Variants in SDK1 observed in about 807,000 individuals in gnomAD.
The protein encoded by SDK1 is sidekick cell adhesion molecule 1.
SDK1 carries 157 observed loss-of-function variants against 245.5 expected under a neutral mutation model. The ratio of observed to expected loss-of-function variants is 0.64; its 90% confidence interval spans 0.56 to 0.73. The LOEUF (loss-of-function observed/expected upper bound fraction) is 0.73. Among genes scored for constraint, SDK1 ranks in the 30% least tolerant of loss-of-function variants. SDK1 has a pLI of 0.00. For synonymous variants in SDK1, 1,647 were observed against 1,278.5 expected (o/e 1.29, Z -6.15); for missense variants, 3,583 against 3,002.3 (o/e 1.19, Z -4.52).
At chr7:4,165,401 T>C (rs1176178343) in intron 32 of SDK1, among the ~76,000 whole-genome samples, 2 of 152,146 alleles carry the variant, frequency 1.3e-5, no homozygotes, top group Non-Finnish European at 2.9e-5. Context: ...ATTTCAAGGC[T>C]TATAGACCCA....
At chr7:3,586,573 C>T (rs563464331) in intron 1 of SDK1, among the ~76,000 whole-genome samples, 5 of 150,796 alleles carry the variant, frequency 3.3e-5, no homozygotes, top group South Asian at 2.1e-4. Flanking sequence ...GGCATTGTGG[C>T]GGGCGCCTGT....
chr7:4,027,427 G>T (rs924655161), intron 17 of SDK1, among the ~76,000 whole-genome samples: 1 of 152,174 alleles, frequency 6.6e-6, no homozygotes, highest in Non-Finnish European at 1.5e-5. Context: ...GCACAGTCCC[G>T]TAGGGATACT....
At chr7:3,678,624 G>T (rs919477522) in intron 4 of SDK1, among the ~76,000 whole-genome samples, 1 of 152,162 alleles carries the variant, frequency 6.6e-6, no homozygotes, top group African/African-American at 2.4e-5. Flanking sequence ...CATGGCCCTG[G>T]GGGGAGGGAG....
At chr7:4,083,224 C>G (rs373078299) in intron 22 of SDK1, among the ~76,000 whole-genome samples, 17 of 152,130 alleles carry the variant, frequency 1.1e-4, no homozygotes, top group African/African-American at 3.4e-4. Flanking sequence ...ACAGGTTCCT[C>G]ACCCTCAAAG....
chr7:3,674,988 G>A (rs1228746653), intron 4 of SDK1, among the ~76,000 whole-genome samples: 1 of 152,132 alleles, frequency 6.6e-6, no homozygotes, highest in East Asian at 1.9e-4. Flanking sequence ...AGTCTTCTTG[G>A]TGTGTGGGCC....
intron 1 of SDK1, among the ~76,000 whole-genome samples, chr7:3,461,093 C>T (rs1780818128): frequency 6.6e-6 from 1 of 152,078 alleles, no homozygotes; most frequent in African/African-American, 2.4e-5. Context: ...GTTTGATTCT[C>T]ATATATGATG....
intron 4 of SDK1, among the ~76,000 whole-genome samples, chr7:3,691,035 T>A (rs183243907): frequency 6.6e-6 from 1 of 152,196 alleles, no homozygotes; most frequent in African/African-American, 2.4e-5. Flanking sequence ...AGAAAATTAT[T>A]TGGAAGAAAA....
At chr7:4,234,042 G>A (rs1478323050) in intron 41 of SDK1, among the ~76,000 whole-genome samples, 1 of 152,212 alleles carries the variant, frequency 6.6e-6, no homozygotes, top group Non-Finnish European at 1.5e-5. Context: ...CCTTGCCGAG[G>A]AGCATGTGTG....
chr7:3,917,370 A>T (rs549265813), intron 5 of SDK1, among the ~76,000 whole-genome samples: 1 of 152,226 alleles, frequency 6.6e-6, no homozygotes, highest in South Asian at 2.1e-4. Context: ...GTCCTCTTTG[A>T]GGGTTTCTCT....
intron 20 of SDK1, among the ~76,000 whole-genome samples, chr7:4,070,134 C>T (rs571039417): frequency 9.2e-5 from 14 of 152,262 alleles, no homozygotes; most frequent in Admixed American, 9.2e-4. Context: ...ATTATAATTG[C>T]CATGTAAAAA....
chr7:3,554,075 T>C (rs1450735662), intron 1 of SDK1, among the ~76,000 whole-genome samples: 1 of 152,166 alleles, frequency 6.6e-6, no homozygotes, highest in African/African-American at 2.4e-5. Flanking sequence ...AGCAAGGATG[T>C]AGAAGGTCTG....
intron 31 of SDK1, among the ~76,000 whole-genome samples, 189 bp from the exon 32 acceptor site, chr7:4,161,597 C>G (rs1410007463): frequency 1.3e-5 from 2 of 152,116 alleles, no homozygotes; most frequent in Admixed American, 6.5e-5. Context: ...TGGCTCCCTC[C>G]TATCCCGAGG....
At chr7:3,687,056 A>AACACAC (rs200034994) in intron 4 of SDK1, among the ~76,000 whole-genome samples, 5,127 of 135,148 alleles carry the variant, frequency 0.038, 115 homozygotes, top group Admixed American at 0.064. Flanking sequence ...ATAGCATCAA[A>AACACAC]ACACACACAC....
At position 4,113,335 on chromosome 7, in the gene SDK1, C is replaced by G; in HGVS notation, c.3481C>G (p.Pro1161Ala). Residue 1161 changes from proline (P) to alanine (A), a missense_variant, in exon 24 of 45, where the codon CCG becomes GCG. Transcript: ENST00000404826. ...VNIVGPSPYS[P>A]SSRVIQTLQA... is the part of the protein sequence containing the mutation. Reference sequence around the variant, plus strand: ...CATTGTTGGGCCGAGCCCCTACAGTCCGTCTTCCCGGGTCATCCAGACCCT... The same window carrying G: ...CATTGTTGGGCCGAGCCCCTACAGTGCGTCTTCCCGGGTCATCCAGACCCT... The G allele has an allele frequency of 1.2e-6, 2 of 1,614,050 alleles. No individual in the cohort carries two copies. Among genetic ancestry groups the G allele is most frequent in the Admixed American group, 1.7e-5 (1 of 60,028 alleles).
rs755336742 is a variant in SDK1 at position 3,619,251 on chromosome 7, C to T, written c.458+12C>T. ...AGCAGCGAATATAAGTAATTGATCGCTTGAAAAAATAAGATCCCATTTCAG... is the reference window on the plus strand; with the variant it reads ...AGCAGCGAATATAAGTAATTGATCGTTTGAAAAAATAAGATCCCATTTCAG... On this transcript the variant is annotated intron_variant, in intron 2 of 44. Transcript: ENST00000404826. 7 of 1,589,206 alleles carry T rather than the reference C, an allele frequency of 4.4e-6. No homozygotes were observed. In the African/African-American group the frequency reaches 6.7e-5, roughly 15 times the overall value.
At chr7:3,834,907 C>T (rs140457805) in intron 5 of SDK1, among the ~76,000 whole-genome samples, 38 of 152,244 alleles carry the variant, frequency 2.5e-4, no homozygotes, top group African/African-American at 5.8e-4. Flanking sequence ...TGCTGCTCAC[C>T]GGCTTGTTCT....
At chr7:3,718,541 AAATAAATAAATAAATAAATAAAT>A (rs1369925684) in intron 4 of SDK1, among the ~76,000 whole-genome samples, 1,862 of 33,138 alleles carry the variant, frequency 0.056, 57 homozygotes, top group African/African-American at 0.18. Context: ...ATAAATAAAT[AAATAAATAAATAAATAAATAAAT>A]AAATAAATAA....
chr7:3,516,275 A>G lies in SDK1; in HGVS notation c.299-102805A>G, dbSNP rs183959252. ...TGTATACCATCAATTTATAATACAC[A>G]TATATACTATGTTTACTTATACATG... is the stretch of plus-strand genomic sequence containing the variant. On this transcript the variant is annotated intron_variant, in intron 1 of 44. Transcript: ENST00000404826. Among the ~76,000 whole-genome samples, 184 of 152,086 alleles carry G rather than the reference A, an allele frequency of 1.2e-3. 1 individual carries two copies. The highest frequency in any genetic ancestry group is 2.1e-3 in the Non-Finnish European group (142 of 67,948).
chr7:3,362,594 A>G (rs1780983687), intron 1 of SDK1, among the ~76,000 whole-genome samples: 1 of 152,176 alleles, frequency 6.6e-6, no homozygotes, highest in South Asian at 2.1e-4. Context: ...TTTCTTTTCA[A>G]ACTTCTGAAG....
Sources: allele counts gnomAD v4.1 joint callset (sites outside exome capture counted in the v4.1 genomes callset), GRCh38; gene constraint gnomAD v4.1.1; transcripts MANE v1.5; gene names NCBI Gene and HGNC (gene_info 2026-07-23, HGNC 2026-07-21).